GRIN3A: variants seen among roughly 807,000 people sequenced by gnomAD.
GRIN3A encodes the protein glutamate receptor ionotropic, NMDA 3A.
In GRIN3A, 47 loss-of-function variants were observed where a neutral mutation model predicts 92.4. The observed-to-expected ratio is 0.51, with a 90% CI of 0.40 to 0.65. GRIN3A has a LOEUF of 0.65. Ranked by LOEUF, GRIN3A falls within the 30% of genes least tolerant of loss-of-function variation. GRIN3A has a pLI of 0.00. For missense variants in GRIN3A, 1,324 were observed against 1,393.1 expected (o/e 0.95, Z 0.79); for synonymous variants, 527 against 540.6 (o/e 0.97, Z 0.35).
In GRIN3A at chr9:101,737,705, G is replaced by A. The variant is rs1228112600; in HGVS notation, c.275C>T (p.Ser92Leu). The A allele has an allele frequency of 4.6e-6, 7 of 1,536,724 alleles. No homozygotes were observed. The highest frequency in any genetic ancestry group is 4.0e-5 in the Admixed American group (2 of 49,944). ...EPGTRRSPAP[S>L]PGARWLGSTL... ...GCTCCCCAACCAGCGTGCGCCCGGCGAGGGCGCCGGGGACCGCCTAGTCCC... is the reference window on the plus strand; with the variant it reads ...GCTCCCCAACCAGCGTGCGCCCGGCAAGGGCGCCGGGGACCGCCTAGTCCC... The change falls in exon 1 of 9, where the codon TCG becomes TTG. Residue 92 changes from serine (S) to leucine (L), a missense_variant. By Grantham distance (145) the Ser-to-Leu change is moderately radical (BLOSUM62 -2). Transcript: ENST00000361820.
At chr9:101,588,080 G>A (rs1031320488) in intron 6 of GRIN3A, among the ~76,000 whole-genome samples, 1 of 152,178 alleles carries the variant, frequency 6.6e-6, no homozygotes, top group Non-Finnish European at 1.5e-5. Context: ...GGCTCCAGAT[G>A]TACCAAAGAC....
intron 6 of GRIN3A, among the ~76,000 whole-genome samples, chr9:101,601,336 A>G (rs1283075672): frequency 6.6e-6 from 1 of 152,182 alleles, no homozygotes; most frequent in Middle Eastern, 3.2e-3. Context: ...CAACTTAATC[A>G]CAATTATATT....
At chr9:101,657,754 A>G (rs376805869) in intron 3 of GRIN3A, among the ~76,000 whole-genome samples, 5 of 147,054 alleles carry the variant, frequency 3.4e-5, no homozygotes, top group African/African-American at 7.3e-5. Context: ...GACACTATGC[A>G]GATAAGCAAC....
chr9:101,612,306 G>A (rs898402160), intron 6 of GRIN3A, among the ~76,000 whole-genome samples: 8 of 152,206 alleles, frequency 5.3e-5, no homozygotes, highest in Admixed American at 6.5e-5. Context: ...TGAGATGTGG[G>A]AGGCATTAAG....
intron 5 of GRIN3A, among the ~76,000 whole-genome samples, chr9:101,619,268 G>T (rs541030043): frequency 6.6e-6 from 1 of 152,094 alleles, no homozygotes; most frequent in African/African-American, 2.4e-5. Context: ...TAGCTACTCT[G>T]GGATAATGGT....
At chr9:101,578,501 A>G (rs888667260) in intron 7 of GRIN3A, among the ~76,000 whole-genome samples, 1 of 152,236 alleles carries the variant, frequency 6.6e-6, no homozygotes, top group African/African-American at 2.4e-5. Flanking sequence ...TCACCACAGG[A>G]GAGGCCAGGA....
In GRIN3A at chr9:101,577,760, C is replaced by T. The variant is rs773377584; in HGVS notation, c.3008+8G>A. On this transcript the variant is annotated splice_region_variant and intron_variant, in intron 8 of 8. Transcript: ENST00000361820. ...ATATAAAGACAGTTGCCATTGGCCCCTTCTTACCTCTTTTCCACACGTTTG... is the reference window on the plus strand; with the variant it reads ...ATATAAAGACAGTTGCCATTGGCCCTTTCTTACCTCTTTTCCACACGTTTG... The T allele has an allele frequency of 6.2e-7, 1 of 1,603,016 alleles. No individual in the cohort carries two copies. The highest frequency in any genetic ancestry group is 8.5e-7 in the Non-Finnish European group (1 of 1,170,504).
rs558719873 is a variant in GRIN3A, at chr9:101,738,362, G to C, written c.-383C>G. Reference sequence around the variant, plus strand: ...ATGAGAAGCAGCCGGAGTTCCTCGGGGGCAGCAGTGACAGAGGAGCGACGC... The same window carrying C: ...ATGAGAAGCAGCCGGAGTTCCTCGGCGGCAGCAGTGACAGAGGAGCGACGC... On this transcript the variant is annotated 5_prime_UTR_variant, in exon 1 of 9. Transcript: ENST00000361820. 2 of 281,248 alleles carry C rather than the reference G, an allele frequency of 7.1e-6. No individual in the cohort carries two copies. The highest frequency in any genetic ancestry group is 1.3e-5 in the Non-Finnish European group (2 of 149,514). 17.4% of individuals were successfully genotyped at this position (281,248 alleles called of 1,614,324 possible).
intron 2 of GRIN3A, among the ~76,000 whole-genome samples, chr9:101,684,710 A>G (rs1006486183): frequency 3.9e-5 from 6 of 152,166 alleles, no homozygotes; most frequent in Non-Finnish European, 5.9e-5. Context: ...TTAAGTCAAC[A>G]AATATTCTTC....
intron 1 of GRIN3A, among the ~76,000 whole-genome samples, chr9:101,711,956 G>T (rs10819979): frequency 0.38 from 57,681 of 151,968 alleles, 11,578 homozygotes; most frequent in Non-Finnish European, 0.44. Context: ...GCTCTTTAGG[G>T]TCCCTCCTTG....
Position 101,573,336 on chromosome 9 carries a change from A to T in GRIN3A, c.3186T>A (p.Asn1062Lys). 1 of 1,613,860 alleles carries T rather than the reference A, an allele frequency of 6.2e-7. No homozygotes were observed. The highest frequency in any genetic ancestry group is 8.5e-7 in the Non-Finnish European group (1 of 1,179,972). ...RRELPALRTT[N>K]GKADSLNVSR... ...ATACATTTAGGGAGTCTGCTTTCCC[A>T]TTGGTGGTCCGCAAGGCAGGGAGCT... Residue 1062 changes from asparagine (N) to lysine (K), a missense_variant, in exon 9 of 9, where the codon AAT (asparagine) becomes AAA (lysine). Transcript: ENST00000361820.
At chr9:101,617,627 TA>T (rs1263616347) in intron 5 of GRIN3A, among the ~76,000 whole-genome samples, 84 of 144,744 alleles carry the variant, frequency 5.8e-4, no homozygotes, top group African/African-American at 2.1e-3. Flanking sequence ...TTTATTTATT[TA>T]TTTTGTGTGT....
At chr9:101,709,826 A>C (rs972426926) in intron 1 of GRIN3A, among the ~76,000 whole-genome samples, 1 of 152,206 alleles carries the variant, frequency 6.6e-6, no homozygotes, top group South Asian at 2.1e-4. Context: ...GGCCCCAAGG[A>C]AGTGAAACAC....
intron 1 of GRIN3A, among the ~76,000 whole-genome samples, chr9:101,719,248 C>T (rs752964059): frequency 6.6e-6 from 1 of 152,088 alleles, no homozygotes; most frequent in Non-Finnish European, 1.5e-5. Flanking sequence ...CAAACCCCTT[C>T]TCTAATAAAA....
intron 1 of GRIN3A, among the ~76,000 whole-genome samples, chr9:101,729,674 G>C (rs1830116948): frequency 6.6e-6 from 1 of 152,104 alleles, no homozygotes; most frequent in Non-Finnish European, 1.5e-5. Context: ...ATATTCACAA[G>C]TTTTGAGGAT....
intron 2 of GRIN3A, among the ~76,000 whole-genome samples, chr9:101,682,706 G>T (rs1249725286): frequency 2.0e-5 from 3 of 152,246 alleles, no homozygotes; most frequent in Admixed American, 2.0e-4. Context: ...CTTGTAGCTG[G>T]GCGTGGTGGC....
At chr9:101,588,172 T>C (rs1036647411) in intron 6 of GRIN3A, among the ~76,000 whole-genome samples, 4 of 152,120 alleles carry the variant, frequency 2.6e-5, no homozygotes, top group Non-Finnish European at 5.9e-5. Flanking sequence ...AAAACATATA[T>C]ATTTAACAAG....
chr9:101,661,674 CTT>C (rs1023203652), intron 3 of GRIN3A, among the ~76,000 whole-genome samples: 3 of 151,766 alleles, frequency 2.0e-5, no homozygotes, highest in East Asian at 1.9e-4. Flanking sequence ...TGCAGTGACT[CTT>C]TGCAATAAGT....
chr9:101,663,474 T>G (rs1564138603), intron 3 of GRIN3A, among the ~76,000 whole-genome samples: 1 of 151,876 alleles, frequency 6.6e-6, no homozygotes, highest in Admixed American at 6.6e-5. Flanking sequence ...AGTGGATTGG[T>G]GTAACTCAGT....
Sources: allele counts gnomAD v4.1 joint callset (sites outside exome capture counted in the v4.1 genomes callset), GRCh38; gene constraint gnomAD v4.1.1; transcripts MANE v1.5; gene names NCBI Gene and HGNC (gene_info 2026-07-23, HGNC 2026-07-21).